Variants in QNG1 observed in about 807,000 individuals in gnomAD.
QNG1 encodes the protein Q-nucleotide N-glycosylase 1.
At chr9:83,938,598 A>G in the QNG1 span, 1 of 152,072 alleles carries the variant, frequency 6.6e-6, no homozygotes. Context: ...CACATAAGGC[A>G]TGATTAGTTT....
At chr9:83,954,554 C>G in the QNG1 span, among the ~76,000 whole-genome samples, 7 of 151,292 alleles carry the variant, frequency 4.6e-5, no homozygotes, top group East Asian at 1.2e-3. Context: ...TGCACTCCAG[C>G]CTGGGAGTCA....
At chr9:83,944,985 T>C in the QNG1 span, 2,695 of 1,599,402 alleles carry the variant, frequency 1.7e-3, 38 homozygotes, top group African/African-American at 0.031. Flanking sequence ...AGAAACTCTT[T>C]TCCCCTGATG....
the QNG1 span, among the ~76,000 whole-genome samples, chr9:83,949,435 G>C: frequency 2.2e-4 from 33 of 152,130 alleles, no homozygotes; most frequent in Non-Finnish European, 4.3e-4. Flanking sequence ...CCTGAGGTTG[G>C]GAGTTTGAAA....
At chr9:83,950,558 A>T in the QNG1 span, among the ~76,000 whole-genome samples, 184 of 151,448 alleles carry the variant, frequency 1.2e-3, no homozygotes, top group African/African-American at 3.7e-3. Context: ...GTCAATAAAA[A>T]GCTCTATGAC....
At chr9:83,942,833 A>C in the QNG1 span, among the ~76,000 whole-genome samples, 2 of 152,212 alleles carry the variant, frequency 1.3e-5, no homozygotes, top group African/African-American at 4.8e-5. Context: ...AATGAGTGCC[A>C]GTGGATATTG....
chr9:83,939,762 G>T, the QNG1 span: 2 of 1,570,300 alleles, frequency 1.3e-6, no homozygotes, highest in Non-Finnish European at 1.8e-6. Flanking sequence ...GGGAAAAGCA[G>T]TAAGAAAAAT....
the QNG1 span, among the ~76,000 whole-genome samples, chr9:83,946,703 G>A: frequency 6.6e-6 from 1 of 152,126 alleles, no homozygotes; most frequent in African/African-American, 2.4e-5. Flanking sequence ...CCTGGAAAAC[G>A]ATGAAACTCC....
the QNG1 span, among the ~76,000 whole-genome samples, chr9:83,943,194 G>A: frequency 6.6e-6 from 1 of 152,038 alleles, no homozygotes. Context: ...ACAAAAATTA[G>A]CCAGGCATCG....
chr9:83,947,854 G>A, the QNG1 span, among the ~76,000 whole-genome samples: 5 of 152,162 alleles, frequency 3.3e-5, no homozygotes, highest in African/African-American at 4.8e-5. Flanking sequence ...GCGTGATCTC[G>A]ACTCACTACA....
At chr9:83,955,336 C>A in the QNG1 span, 1 of 1,586,412 alleles carries the variant, frequency 6.3e-7, no homozygotes. Context: ...AGAGTTAACT[C>A]TGAGATGATT....
the QNG1 span, among the ~76,000 whole-genome samples, chr9:83,943,200 C>T: frequency 6.6e-6 from 1 of 151,800 alleles, no homozygotes; most frequent in Non-Finnish European, 1.5e-5. Context: ...ATTAGCCAGG[C>T]ATCGTGGCAT....
the QNG1 span, among the ~76,000 whole-genome samples, chr9:83,945,942 T>C: frequency 6.6e-6 from 1 of 151,924 alleles, no homozygotes; most frequent in African/African-American, 2.4e-5. Context: ...GCATTCCTTT[T>C]GAAAGTTTCT....
the QNG1 span, among the ~76,000 whole-genome samples, chr9:83,948,685 G>A: frequency 6.6e-6 from 1 of 152,202 alleles, no homozygotes. Context: ...AAGAGGGATC[G>A]GATTGTTACT....
the QNG1 span, among the ~76,000 whole-genome samples, chr9:83,954,618 A>G: frequency 2.0e-5 from 3 of 151,186 alleles, no homozygotes; most frequent in African/African-American, 7.3e-5. Flanking sequence ...ACAGTGGCTC[A>G]CGCCTGTAAT....
At chr9:83,943,035 T>C in the QNG1 span, among the ~76,000 whole-genome samples, 3 of 151,992 alleles carry the variant, frequency 2.0e-5, no homozygotes, top group African/African-American at 4.8e-5. Flanking sequence ...CTCTGTGATG[T>C]ATAGGATTTG....
At chr9:83,952,794 G>GA in the QNG1 span, among the ~76,000 whole-genome samples, 1,129 of 83,324 alleles carry the variant, frequency 0.014, 18 homozygotes, top group African/African-American at 0.031. Flanking sequence ...GACTCCGTCT[G>GA]AAAAAAAAAA....
the QNG1 span, chr9:83,939,241 T>G: frequency 3.1e-6 from 1 of 319,750 alleles, no homozygotes. Context: ...GCCCAGCTAA[T>G]TTTGTATTTT....
At chr9:83,944,811 A>G in the QNG1 span, 1 of 1,612,614 alleles carries the variant, frequency 6.2e-7, no homozygotes. Flanking sequence ...AAGCTTCTTC[A>G]GTAGGTCATC....
chr9:83,946,517 A>G, the QNG1 span, among the ~76,000 whole-genome samples: 5 of 152,356 alleles, frequency 3.3e-5, no homozygotes, highest in Non-Finnish European at 7.3e-5. Flanking sequence ...AAGTCCAAAT[A>G]TGAAAATAAA....
Sources: gnomAD v4.1 joint callset for allele counts (sites outside exome capture counted in the v4.1 genomes callset) on GRCh38, gnomAD v4.1.1 for gene constraint, MANE v1.5 for transcripts, NCBI Gene and HGNC (gene_info 2026-07-23, HGNC 2026-07-21) for gene names.